NRG1: variants seen among roughly 807,000 people sequenced by gnomAD.
NRG1 encodes the protein neuregulin 1.
In NRG1, 18 loss-of-function variants were observed where a neutral mutation model predicts 63.8. The ratio of observed to expected loss-of-function variants is 0.28; its 90% CI spans 0.19 to 0.42. The LOEUF is 0.42. Ranked by LOEUF, NRG1 falls within the 10% of genes least tolerant of loss-of-function variation. The probability of loss-of-function intolerance (pLI) is 1.00; values close to 1 mark genes in which losing one functional copy is unlikely to be tolerated. For missense variants in NRG1, 762 were observed against 814.7 expected, an observed-to-expected ratio of 0.94 and a Z score of 0.79; for synonymous variants, 302 against 301.3, an observed-to-expected ratio of 1.00 and a Z score of -0.02.
intron 1 of NRG1, among the ~76,000 whole-genome samples, chr8:32,185,638 G>A (rs1194721755): frequency 6.6e-6 from 1 of 152,188 alleles, no homozygotes; most frequent in Non-Finnish European, 1.5e-5. Context: ...ATAATAGAGA[G>A]TGAAGCTGTA....
At chr8:32,458,121 T>C in intron 1 of NRG1, among the ~76,000 whole-genome samples, 1 of 152,122 alleles carries the variant, frequency 6.6e-6, no homozygotes, top group East Asian at 1.9e-4. Context: ...TTTCACTATG[T>C]TGGCCAGGAT....
At chr8:31,900,886 G>GT (rs1331651355) in intron 1 of NRG1, among the ~76,000 whole-genome samples, 46 of 152,310 alleles carry the variant, frequency 3.0e-4, no homozygotes, top group African/African-American at 1.1e-3. Context: ...GCAACTGGCA[G>GT]TAAGTGCCCT....
intron 1 of NRG1, among the ~76,000 whole-genome samples, chr8:32,068,364 A>T (rs999486683): frequency 2.6e-5 from 4 of 152,204 alleles, no homozygotes; most frequent in African/African-American, 9.6e-5. Context: ...ACATGACTTC[A>T]GACTTAACCT....
intron 1 of NRG1, among the ~76,000 whole-genome samples, chr8:32,231,920 A>T (rs1342138059): frequency 2.0e-5 from 3 of 151,472 alleles, no homozygotes; most frequent in African/African-American, 7.3e-5. Flanking sequence ...ATTAAATTAA[A>T]GTTATTTTTC....
At chr8:32,595,578 A>T (rs1488265743) in intron 1 of NRG1, among the ~76,000 whole-genome samples, 1 of 152,172 alleles carries the variant, frequency 6.6e-6, no homozygotes, top group Non-Finnish European at 1.5e-5. Context: ...AAAGCTTGAA[A>T]CTATCTAGAA....
At chr8:31,674,750 G>A (rs1437653239) in intron 1 of NRG1, among the ~76,000 whole-genome samples, 1 of 152,110 alleles carries the variant, frequency 6.6e-6, no homozygotes, top group Non-Finnish European at 1.5e-5. Context: ...TTACCCTAAA[G>A]CCTTAAAGAT....
rs566432339 is a variant in NRG1 at position 32,025,608 on chromosome 8, AT to A, written c.37+386194del. ...GTTAACTTGAAAAACATGGAAGTCG[AT>A]TTTTTTTTTTTTTTTTATTTTAACC... On this transcript the variant is annotated intron_variant, in intron 1 of 10. Transcript: ENST00000519301. Among the ~76,000 whole-genome samples, 1,367 of 150,554 alleles carry A rather than the reference AT, an allele frequency of 9.1e-3. 7 individuals are homozygous for A. Among genetic ancestry groups the A allele is most frequent in the Non-Finnish European group, 0.011 (751 of 67,548 alleles).
chr8:32,128,343 G>A (rs903457964), intron 1 of NRG1, among the ~76,000 whole-genome samples: 1 of 151,892 alleles, frequency 6.6e-6, no homozygotes, highest in African/African-American at 2.4e-5. Context: ...AGAGGGCAAT[G>A]TGCATTCCTA....
At chr8:32,419,995 T>C (rs1228345227) in intron 1 of NRG1, among the ~76,000 whole-genome samples, 1 of 152,226 alleles carries the variant, frequency 6.6e-6, no homozygotes, top group East Asian at 1.9e-4. Flanking sequence ...ATGGCTCAGT[T>C]GGTCAATGGC....
chr8:32,156,424 T>C (rs545569488), intron 1 of NRG1, among the ~76,000 whole-genome samples: 14 of 152,380 alleles, frequency 9.2e-5, no homozygotes, highest in African/African-American at 3.4e-4. Flanking sequence ...AGATTATGCT[T>C]TGCTTTCTTC....
rs553785839 is a variant in NRG1 at position 31,780,333 on chromosome 8, T to A, written c.37+140902T>A. On this transcript the variant is annotated intron_variant, in intron 1 of 10. Transcript: ENST00000519301. The stretch of plus-strand genomic sequence containing the variant: ...TTCAGTTGTAGGCATGAAGCCACAT[T>A]TTGGGCTGATCATCTTTATAATAGG... 2.6e-5 allele frequency among the ~76,000 whole-genome samples: 4 copies of A among 152,308 alleles called. No homozygotes were observed. The East Asian group carries it at 7.7e-4, about 29-fold the overall frequency.
At chr8:31,806,471 C>T (rs1261675510) in intron 1 of NRG1, among the ~76,000 whole-genome samples, 2 of 151,982 alleles carry the variant, frequency 1.3e-5, no homozygotes, top group African/African-American at 4.8e-5. Context: ...CGAGTTTATT[C>T]CATTACAATG....
intron 1 of NRG1, among the ~76,000 whole-genome samples, chr8:32,424,418 A>T (rs747113487): frequency 6.6e-6 from 1 of 152,132 alleles, no homozygotes; most frequent in Admixed American, 6.6e-5. Context: ...GTTCAATGAG[A>T]TCAAAAGCAC....
chr8:32,176,573 A>G (rs575707869), intron 1 of NRG1, among the ~76,000 whole-genome samples: 1 of 152,304 alleles, frequency 6.6e-6, no homozygotes, highest in African/African-American at 2.4e-5. Flanking sequence ...TTTGCAATCT[A>G]TTCATCTGTC....
At position 32,742,183 on chromosome 8, in the gene NRG1, A is replaced by G; in HGVS notation, c.633-492A>G. The G allele has an allele frequency of 1.1e-6, 1 of 919,636 alleles. No individual in the cohort carries two copies. 57.0% of individuals were successfully genotyped at this position (919,636 alleles called of 1,614,324 possible). ...GTAACTGATTCATTTTGTTCTAATT[A>G]TGGCTTAACCTCTCAAGGCATAAAC... On this transcript the variant is annotated intron_variant, in intron 6 of 11. Transcript: ENST00000356819. This position sits in a 1 kb window ranked among gnomAD's most constrained non-coding sequence, Gnocchi z 4.2.
chr8:32,220,441 G>A (rs1845692162), intron 1 of NRG1, among the ~76,000 whole-genome samples: 1 of 152,198 alleles, frequency 6.6e-6, no homozygotes, highest in Admixed American at 6.5e-5. Flanking sequence ...AGGGGCTCGG[G>A]GTGGGAGCCT....
chr8:32,203,518 C>A (rs982822512), intron 1 of NRG1, among the ~76,000 whole-genome samples: 2 of 151,856 alleles, frequency 1.3e-5, no homozygotes, highest in African/African-American at 4.8e-5. Flanking sequence ...GGACTACAGG[C>A]ACCAGCTAAC....
rs895676114 is a variant in NRG1 at position 31,980,345 on chromosome 8, C to T, written c.37+340914C>T. On this transcript the variant is annotated intron_variant, in intron 1 of 10. Transcript: ENST00000519301. ...TCCTTTGAATTTATGTTGCCATGTA[C>T]AGTCCCTGTAATTTTATTTCCTCTT... Among the ~76,000 whole-genome samples the T allele has an allele frequency of 1.5e-4, 23 of 152,154 alleles. No individual in the cohort carries two copies. In the East Asian group the frequency reaches 4.5e-3, roughly 29 times the overall value.
intron 1 of NRG1, among the ~76,000 whole-genome samples, chr8:32,555,459 C>G (rs1398583416): frequency 6.6e-6 from 1 of 152,150 alleles, no homozygotes; most frequent in African/African-American, 2.4e-5. Flanking sequence ...TCTTGTGGAT[C>G]ATGGGCTGAT....
Sources: gnomAD v4.1 joint callset for allele counts (sites outside exome capture counted in the v4.1 genomes callset) on GRCh38, gnomAD v4.1.1 for gene constraint, Gnocchi (gnomAD v3.1) non-coding constraint, MANE v1.5 for transcripts, NCBI Gene and HGNC (gene_info 2026-07-23, HGNC 2026-07-21) for gene names.